Variants in ERAP1 observed in about 807,000 individuals in gnomAD.
The protein encoded by ERAP1 is endoplasmic reticulum aminopeptidase 1, also known as adipocyte-derived leucine aminopeptidase.
A neutral mutation model predicts 103.7 loss-of-function variants in ERAP1; 86 were observed. The ratio of observed to expected loss-of-function variants is 0.83; its 90% confidence interval spans 0.70 to 0.99. ERAP1 has a LOEUF of 0.99. ERAP1 is among the 50% of genes least tolerant of loss of function. The pLI is 0.00. For missense variants in ERAP1, 1,009 were observed against 1,128.4 expected, an observed-to-expected ratio of 0.89 and a Z score of 1.52; for synonymous variants, 398 against 402.4, an observed-to-expected ratio of 0.99 and a Z score of 0.13.
the ERAP1 span, among the ~76,000 whole-genome samples, chr5:96,930,251 C>T: frequency 6.6e-6 from 1 of 152,146 alleles, no homozygotes; most frequent in African/African-American, 2.4e-5. Context: ...GTGGTTCTGG[C>T]CCATCTCCAG....
the ERAP1 span, among the ~76,000 whole-genome samples, chr5:96,899,489 A>C: frequency 6.6e-6 from 1 of 152,236 alleles, no homozygotes; most frequent in Non-Finnish European, 1.5e-5. Context: ...AGATCATTTA[A>C]AGGCATTTGA....
At chr5:96,858,441 C>T in the ERAP1 span, among the ~76,000 whole-genome samples, 1 of 152,134 alleles carries the variant, frequency 6.6e-6, no homozygotes, top group African/African-American at 2.4e-5. Flanking sequence ...AAGTGATCTG[C>T]CTGCCTTGGC....
upstream of ERAP1, among the ~76,000 whole-genome samples, chr5:96,811,957 T>A (rs1779180556): frequency 6.6e-6 from 1 of 152,206 alleles, no homozygotes; most frequent in Admixed American, 6.5e-5. Flanking sequence ...ATCTAACTGC[T>A]CTCTAGCCAG....
Position 96,776,519 on chromosome 5 carries a change from A to G in ERAP1, c.2703T>C (p.Asn901=). ...VKGFFSSLKE[N]GSQLRCVQQT... ...GTTGGACACAACGGAGCTGAGAACC[A>G]TTTTCTTTCAAAGAGCTGAAGAATC... Residue 901 remains asparagine, a synonymous_variant, in exon 19 of 19, where the codon AAT becomes AAC. Coordinates refer to ENST00000443439, the MANE Select transcript of ERAP1 (RefSeq NM_001040458.3). 6.2e-7 allele frequency: 1 copy of G among 1,614,136 alleles called. No individual in the cohort carries two copies. Among genetic ancestry groups the G allele is most frequent in the Non-Finnish European group, 8.5e-7 (1 of 1,180,028 alleles).
downstream of ERAP1, chr5:96,771,530 C>A (rs1432187234): frequency 8.9e-6 from 6 of 674,116 alleles, no homozygotes; most frequent in Admixed American, 1.3e-4. Flanking sequence ...CTGAAAGGAC[C>A]ATCTTATTTT....
At chr5:96,896,410 C>A in the ERAP1 span, 1 of 1,612,108 alleles carries the variant, frequency 6.2e-7, no homozygotes, top group African/African-American at 1.3e-5. Flanking sequence ...GAAGTAATTA[C>A]AAAAGATTCA....
chr5:96,934,292 G>A, the ERAP1 span: 1 of 152,198 alleles, frequency 6.6e-6, no homozygotes, highest in Non-Finnish European at 1.5e-5. Flanking sequence ...AGTGTTTGTG[G>A]CTATTTTAGA....
exon 20 of ERAP1, chr5:96,762,104 TAGAGAAG>T (rs1449432256): frequency 2.2e-6 from 1 of 445,936 alleles, no homozygotes; most frequent in African/African-American, 2.0e-5. Flanking sequence ...AATAATACAA[TAGAGAAG>T]AAAGAATTTA....
chr5:96,883,173 G>A, the ERAP1 span, among the ~76,000 whole-genome samples: 430 of 152,198 alleles, frequency 2.8e-3, 7 homozygotes, highest in African/African-American at 9.9e-3. Context: ...TGGGGGACAC[G>A]TGAAGGCGTA....
chr5:96,926,107 T>G, the ERAP1 span, among the ~76,000 whole-genome samples: 4 of 152,128 alleles, frequency 2.6e-5, no homozygotes, highest in African/African-American at 9.7e-5. Context: ...AGATGGGGTT[T>G]CACCGTGTTA....
chr5:96,811,760 G>A (rs1406071132), upstream of ERAP1, among the ~76,000 whole-genome samples: 8 of 152,318 alleles, frequency 5.3e-5, no homozygotes, highest in East Asian at 3.9e-4. Context: ...TTCTAGAATT[G>A]TGGATCCTGA....
chr5:96,843,765 C>A, the ERAP1 span, among the ~76,000 whole-genome samples: 1 of 152,120 alleles, frequency 6.6e-6, no homozygotes, highest in African/African-American at 2.4e-5. Flanking sequence ...GACGGCCATT[C>A]GTTGTTCTAA....
the ERAP1 span, among the ~76,000 whole-genome samples, chr5:96,932,627 A>T: frequency 6.6e-6 from 1 of 152,068 alleles, no homozygotes; most frequent in East Asian, 1.9e-4. Flanking sequence ...TAAATATTCT[A>T]CCCTCTCTAG....
chr5:96,803,782 A>T lies in ERAP1; in HGVS notation c.145T>A (p.Trp49Arg). ...TACTCAGGAAGTCGTATTTTATTCC[A>T]AGGAAATGGTGTCCCATCACTACGT... ...PKRSDGTPFP[W>R]NKIRLPEYVI... Residue 49 changes from tryptophan (W) to arginine (R), a missense_variant, in exon 2 of 19, where the codon TGG (tryptophan) becomes AGG (arginine). Coordinates refer to ENST00000443439, the MANE Select transcript of ERAP1 (RefSeq NM_001040458.3). The T allele has an allele frequency of 6.2e-7, 1 of 1,614,200 alleles. No individual in the cohort carries two copies. The highest frequency in any genetic ancestry group is 8.5e-7 in the Non-Finnish European group (1 of 1,180,048).
chr5:96,930,951 T>C, the ERAP1 span, among the ~76,000 whole-genome samples: 2 of 152,170 alleles, frequency 1.3e-5, no homozygotes, highest in Non-Finnish European at 2.9e-5. Context: ...AGTGCGGGAA[T>C]TGACATCAGG....
chr5:96,783,867 TGATTAACA>T (rs2150918542), intron 14 of ERAP1, 49 bp downstream of exon 14: 1 of 1,270,986 alleles, frequency 7.9e-7, no homozygotes, highest in Admixed American at 2.4e-5. Flanking sequence ...ACACACACAA[TGATTAACA>T]CTTTTTAACA....
At chr5:96,846,667 A>G in the ERAP1 span, among the ~76,000 whole-genome samples, 74 of 152,274 alleles carry the variant, frequency 4.9e-4, no homozygotes, top group South Asian at 0.014. Flanking sequence ...GGGATCACAT[A>G]TGAGTATTAA....
the ERAP1 span, among the ~76,000 whole-genome samples, chr5:96,861,320 C>G: frequency 6.6e-6 from 1 of 152,156 alleles, no homozygotes; most frequent in Non-Finnish European, 1.5e-5. Context: ...TTCACTAAGG[C>G]AGCCTTCGAC....
In ERAP1 at chr5:96,774,756, T is replaced by C; in HGVS notation, c.*1640A>G. On this transcript the variant is annotated 3_prime_UTR_variant, in exon 19 of 19. Transcript: ENST00000443439. ...GTGGAAATTACCAGTGATTTCTATTTTTATTAAACCATTCACTACAACAAA... is the reference window on the plus strand; with the variant it reads ...GTGGAAATTACCAGTGATTTCTATTCTTATTAAACCATTCACTACAACAAA... The C allele has an allele frequency of 1.0e-6, 1 of 984,190 alleles. No homozygotes were observed. Among genetic ancestry groups the C allele is most frequent in the Non-Finnish European group, 1.2e-6 (1 of 828,652 alleles). 61.0% of individuals were successfully genotyped at this position (984,190 alleles called of 1,614,324 possible).
Sources: gnomAD v4.1 joint callset for allele counts (sites outside exome capture counted in the v4.1 genomes callset) on GRCh38, gnomAD v4.1.1 for gene constraint, MANE v1.5 for transcripts, NCBI Gene and HGNC (gene_info 2026-07-23, HGNC 2026-07-21) for gene names.